Variants in APBA1 observed in about 807,000 individuals in gnomAD.
APBA1 encodes the protein amyloid beta precursor protein binding family A member 1, also known as amyloid-beta A4 precursor protein-binding family A member 1.
A neutral mutation model predicts 86.6 loss-of-function variants in APBA1; 55 were observed. The ratio of observed to expected loss-of-function variants is 0.64; its 90% CI spans 0.51 to 0.80. APBA1 has a LOEUF of 0.80. Ranked by LOEUF, APBA1 falls within the 30% of genes least tolerant of loss-of-function variation. APBA1 has a pLI of 0.00. For missense variants in APBA1, 1,090 were observed against 1,183.0 expected (o/e 0.92, Z 1.15); for synonymous variants, 511 against 493.9 (o/e 1.03, Z -0.46).
chr9:69,620,184 G>A (rs901346158), intron 1 of APBA1, among the ~76,000 whole-genome samples: 10 of 152,136 alleles, frequency 6.6e-5, no homozygotes, highest in East Asian at 1.9e-4. Flanking sequence ...TCCTGAGGAC[G>A]GTCTAGTCGT....
intron 1 of APBA1, among the ~76,000 whole-genome samples, chr9:69,582,189 C>A (rs1821924938): frequency 6.6e-6 from 1 of 152,172 alleles, no homozygotes; most frequent in Non-Finnish European, 1.5e-5. Flanking sequence ...CTTTGGGCAT[C>A]TAACCGAGCA....
chr9:69,633,086 T>C (rs1823081952), intron 1 of APBA1, among the ~76,000 whole-genome samples: 1 of 137,256 alleles, frequency 7.3e-6, no homozygotes, highest in Admixed American at 7.1e-5. Flanking sequence ...TCTTCCCTCC[T>C]TTTTTTTTTT....
intron 1 of APBA1, among the ~76,000 whole-genome samples, chr9:69,607,131 G>A (rs1318537572): frequency 3.3e-5 from 5 of 152,084 alleles, no homozygotes; most frequent in South Asian, 2.1e-4. Flanking sequence ...CAGTGTATTC[G>A]TTTGTTCTCA....
chr9:69,516,002 C>G lies in APBA1; in HGVS notation c.1200+9G>C, dbSNP rs200902799. The G allele has an allele frequency of 6.5e-7, 1 of 1,539,086 alleles. No homozygotes were observed. The highest frequency in any genetic ancestry group is 2.5e-5 in the East Asian group (1 of 39,692). On this transcript the variant is annotated intron_variant, in intron 2 of 12. Coordinates refer to ENST00000265381, the MANE Select transcript of APBA1 (RefSeq NM_001163.4). The surrounding 1 kb of genome is among the most constrained non-coding windows in gnomAD (Gnocchi z 7.3). Reference sequence around the variant, plus strand: ...GGGGCCGAGGAAGCCCAAACCCGCACCTACTTACATCTCCGTCCATCGGCC... The same window carrying G: ...GGGGCCGAGGAAGCCCAAACCCGCAGCTACTTACATCTCCGTCCATCGGCC...
intron 1 of APBA1, among the ~76,000 whole-genome samples, chr9:69,522,632 AAATATACT>A (rs1836272404): frequency 6.6e-6 from 1 of 152,176 alleles, no homozygotes; most frequent in African/African-American, 2.4e-5. Flanking sequence ...TGCAAAATAG[AAATATACT>A]CAAGATACAA....
At position 69,579,138 on chromosome 9, in the gene APBA1, C is replaced by T. The variant is rs551415971; in HGVS notation, c.-69-61859G>A. On this transcript the variant is annotated intron_variant, in intron 1 of 12. Transcript: ENST00000265381. ...GGCACCTCTGCTTGTTAACATGTGA[C>T]TCAATATGAAGGGTCTCCCCAACCT... 5.3e-4 allele frequency among the ~76,000 whole-genome samples: 80 copies of T among 152,106 alleles called. 3 individuals are homozygous for T. The highest frequency in any genetic ancestry group is 3.2e-4 in the Non-Finnish European group (22 of 67,996).
At chr9:69,604,222 A>C (rs1261089758) in intron 1 of APBA1, among the ~76,000 whole-genome samples, 2 of 151,834 alleles carry the variant, frequency 1.3e-5, no homozygotes, top group Non-Finnish European at 2.9e-5. Context: ...GTGGAGAGGC[A>C]CATGAGTGTG....
intron 1 of APBA1, among the ~76,000 whole-genome samples, chr9:69,584,530 C>A (rs181133582): frequency 1.3e-5 from 2 of 152,286 alleles, no homozygotes; most frequent in African/African-American, 4.8e-5. Context: ...AGTTACTTAA[C>A]CTCTCTGTGC....
At chr9:69,649,729 G>A (rs1038712306) in intron 1 of APBA1, among the ~76,000 whole-genome samples, 9 of 152,028 alleles carry the variant, frequency 5.9e-5, no homozygotes, top group African/African-American at 1.9e-4. Context: ...GGCCCAACTC[G>A]GACAGCATCA....
Position 69,467,876 on chromosome 9 carries a change from G to A in APBA1, c.1429C>T (p.Pro477Ser). The A allele has an allele frequency of 1.2e-6, 2 of 1,614,160 alleles. No individual in the cohort carries two copies. Among genetic ancestry groups the A allele is most frequent in the Non-Finnish European group, 1.7e-6 (2 of 1,180,020 alleles). ...GSTQLLSDKTPSKNVRMMQAQ... is the reference protein window; with the variant it reads ...GSTQLLSDKTSSKNVRMMQAQ... Reference sequence around the variant, plus strand: ...TGCATCATGCGCACGTTTTTGGAAGGAGTTTTGTCTGAGAGCAGCTGAGTG... The same window carrying A: ...TGCATCATGCGCACGTTTTTGGAAGAAGTTTTGTCTGAGAGCAGCTGAGTG... Residue 477 changes from proline (P) to serine (S), a missense_variant, in exon 5 of 13, where the codon CCT becomes TCT. This residue lies in a region of APBA1 where 76 missense variants were observed against 122.2 expected (regional missense o/e 0.62). Transcript: ENST00000265381.
chr9:69,535,011 A>G lies in APBA1; in HGVS notation c.-69-17732T>C, dbSNP rs956777392. On this transcript the variant is annotated intron_variant, in intron 1 of 12. Transcript: ENST00000265381. ...ACACATCATCTGGTCTTTCTACTTT[A>G]TCTTTCCCCTTCTACCTCCCACCTG... Among the ~76,000 whole-genome samples the G allele has an allele frequency of 8.5e-5, 13 of 152,104 alleles. 1 individual carries two copies. The highest frequency in any genetic ancestry group is 6.6e-5 in the Admixed American group (1 of 15,262).
rs1033472543 is a variant in APBA1 at position 69,467,740 on chromosome 9, T to C, written c.1482+83A>G. The stretch of plus-strand genomic sequence containing the variant: ...TCAAACCACTCTCCTCTAAACTATA[T>C]GTGGAGTTGTGGCCAGTGTTGTAGA... On this transcript the variant is annotated intron_variant, in intron 5 of 12. Transcript: ENST00000265381. 17 of 1,534,988 alleles carry C rather than the reference T, an allele frequency of 1.1e-5. 1 individual carries two copies. The highest frequency in any genetic ancestry group is 8.7e-5 in the Admixed American group (5 of 57,300).
chr9:69,432,073 CAAT>C (rs1348275289), intron 12 of APBA1, among the ~76,000 whole-genome samples: 2 of 152,162 alleles, frequency 1.3e-5, no homozygotes, highest in Non-Finnish European at 2.9e-5. Flanking sequence ...TGAATGGCAA[CAAT>C]GATGACTGAC....
intron 12 of APBA1, among the ~76,000 whole-genome samples, chr9:69,432,176 G>C (rs183437341): frequency 6.6e-6 from 1 of 152,320 alleles, no homozygotes; most frequent in African/African-American, 2.4e-5. Context: ...GATTCAACTT[G>C]AGTCTAAGAC....
intron 1 of APBA1, among the ~76,000 whole-genome samples, chr9:69,636,923 G>GAAGGAAGGAAGGAAAGAAAT (rs1564098957): frequency 1.0e-5 from 1 of 98,012 alleles, no homozygotes; most frequent in Non-Finnish European, 2.0e-5. Flanking sequence ...AGGAAGGAAG[G>GAAGGAAGGAAGGAAAGAAAT]AAAGAAAGAA....
At chr9:69,653,013 G>GC (rs1823537170) in intron 1 of APBA1, among the ~76,000 whole-genome samples, 1 of 73,924 alleles carries the variant, frequency 1.4e-5, no homozygotes, top group Non-Finnish European at 3.6e-5. Context: ...ACAAAAACAA[G>GC]CAAAAAAAAA....
intron 1 of APBA1, among the ~76,000 whole-genome samples, chr9:69,549,915 C>T (rs74436876): frequency 0.02 from 2,987 of 152,190 alleles, 105 homozygotes; most frequent in African/African-American, 0.068. Flanking sequence ...TACAGGCTTT[C>T]GATCCTAAAG....
At chr9:69,643,818 C>T (rs1331716971) in intron 1 of APBA1, among the ~76,000 whole-genome samples, 1 of 152,180 alleles carries the variant, frequency 6.6e-6, no homozygotes, top group African/African-American at 2.4e-5. Context: ...GTCTCCTGGC[C>T]TACAAGACCC....
intron 2 of APBA1, among the ~76,000 whole-genome samples, chr9:69,499,468 G>GA (rs1835848387): frequency 6.6e-6 from 1 of 152,034 alleles, no homozygotes; most frequent in Non-Finnish European, 1.5e-5. Flanking sequence ...ATCAGCAAGA[G>GA]GAAATCTCTC....
Sources: allele counts gnomAD v4.1 joint callset (sites outside exome capture counted in the v4.1 genomes callset), GRCh38; gene constraint gnomAD v4.1.1; regional missense constraint gnomAD v4.1.1; non-coding constraint Gnocchi (gnomAD v3.1); transcripts MANE v1.5; gene names NCBI Gene and HGNC (gene_info 2026-07-23, HGNC 2026-07-21).